MICAL2: variants seen among roughly 807,000 people sequenced by gnomAD.
MICAL2 encodes the protein [F-actin]-monooxygenase MICAL2.
A neutral mutation model predicts 127.3 loss-of-function variants in MICAL2; 77 were observed. The ratio of observed to expected loss-of-function variants is 0.60; its 90% CI spans 0.50 to 0.73. The LOEUF (loss-of-function observed/expected upper bound fraction) is 0.73, where lower values mean the gene tolerates loss of function less well. Among genes scored for constraint, MICAL2 ranks in the 30% least tolerant of loss-of-function variants. MICAL2 has a pLI of 0.00. For synonymous variants in MICAL2, 570 were observed against 551.1 expected, an observed-to-expected ratio of 1.03 and a Z score of -0.48; for missense variants, 1,351 against 1,434.4, an observed-to-expected ratio of 0.94 and a Z score of 0.94.
At chr11:12,295,556 C>A (rs1424413077), downstream of MICAL2, among the ~76,000 whole-genome samples, 1 of 150,064 alleles carries the variant, frequency 6.7e-6, no homozygotes, top group Non-Finnish European at 1.5e-5. Context: ...GACTGAAGCA[C>A]CCAGCTAATT....
intron 33 of MICAL2, among the ~76,000 whole-genome samples, chr11:12,354,024 C>T (rs77933380): frequency 0.062 from 9,371 of 152,304 alleles, 667 homozygotes; most frequent in African/African-American, 0.16. Context: ...CTCCTCACCC[C>T]CACCCCATCC....
chr11:12,227,188 G>A (rs1857590849), intron 15 of MICAL2, 57 bp downstream of exon 15: 1 of 1,244,506 alleles, frequency 8.0e-7, no homozygotes, highest in Non-Finnish European at 1.2e-6. Flanking sequence ...GGGGTATGAG[G>A]AACGGAGATT....
intron 1 of MICAL2, among the ~76,000 whole-genome samples, chr11:12,112,357 A>G (rs1849674831): frequency 6.6e-6 from 1 of 151,680 alleles, no homozygotes; most frequent in African/African-American, 2.4e-5. Flanking sequence ...TCCTCCCCCT[A>G]GTCAAGAGTA....
intron 20 of MICAL2, among the ~76,000 whole-genome samples, chr11:12,243,712 T>C (rs929693602): frequency 6.6e-6 from 1 of 152,190 alleles, no homozygotes; most frequent in African/African-American, 2.4e-5. Context: ...TTGGCATCGG[T>C]GTCTGAGGCG....
intron 3 of MICAL2, among the ~76,000 whole-genome samples, chr11:12,200,656 A>G (rs1860589653): frequency 6.6e-6 from 1 of 152,270 alleles, no homozygotes; most frequent in African/African-American, 2.4e-5. Flanking sequence ...AGATTACGGT[A>G]TGACTGGCAT....
intron 3 of MICAL2, among the ~76,000 whole-genome samples, chr11:12,181,525 T>C (rs531592281): frequency 6.6e-6 from 1 of 152,328 alleles, no homozygotes; most frequent in Non-Finnish European, 1.5e-5. Flanking sequence ...TCAAGTAAAA[T>C]GGTTTTTTTA....
chr11:12,203,310 C>T (rs1854266992), intron 3 of MICAL2, among the ~76,000 whole-genome samples: 3 of 152,164 alleles, frequency 2.0e-5, no homozygotes, highest in Admixed American at 6.5e-5. Context: ...GTGGTTTAAA[C>T]CTCTATGTTT....
intron 3 of MICAL2, among the ~76,000 whole-genome samples, chr11:12,175,556 G>A (rs916709696): frequency 6.6e-6 from 1 of 151,882 alleles, no homozygotes. Context: ...GAGAGAAAGA[G>A]AGAGACAATA....
At chr11:12,260,370 G>A (rs1862939409) in intron 26 of MICAL2, 1 of 1,285,204 alleles carries the variant, frequency 7.8e-7, no homozygotes, top group South Asian at 2.9e-5. Context: ...GGCCAGGGAT[G>A]ATATGAAGGA....
chr11:12,228,673 G>A (rs1330144520), intron 15 of MICAL2, among the ~76,000 whole-genome samples: 1 of 152,162 alleles, frequency 6.6e-6, no homozygotes, highest in Non-Finnish European at 1.5e-5. Flanking sequence ...AGTCAGAGAG[G>A]GAGTCGGGAA....
intron 2 of MICAL2, among the ~76,000 whole-genome samples, chr11:12,286,210 G>A (rs1167102276): frequency 6.6e-6 from 1 of 152,180 alleles, no homozygotes; most frequent in Non-Finnish European, 1.5e-5. Context: ...GCCAAGGGAG[G>A]GCCACAGCAA....
chr11:12,297,340 A>T (rs986097507), intron 29 of MICAL2, among the ~76,000 whole-genome samples: 4 of 152,092 alleles, frequency 2.6e-5, no homozygotes, highest in African/African-American at 9.7e-5. Context: ...TGACCAGTTG[A>T]TACTGTCCTT....
chr11:12,272,469 C>T (rs151194326), upstream of MICAL2, among the ~76,000 whole-genome samples: 592 of 152,308 alleles, frequency 3.9e-3, 11 homozygotes, highest in African/African-American at 0.014. Flanking sequence ...GTGGCAGGTT[C>T]ATCCCCAAAC....
chr11:12,340,364 A>G (rs1938843338), intron 32 of MICAL2, among the ~76,000 whole-genome samples: 1 of 152,240 alleles, frequency 6.6e-6, no homozygotes, highest in South Asian at 2.1e-4. Flanking sequence ...AATTATTAGA[A>G]CTTTAAAAAT....
chr11:12,221,707 A>T lies in MICAL2; in HGVS notation c.1270A>T (p.Met424Leu). ...CCTGGCAGCCTTTGACACGGCATGG[A>T]TGGTGAAGAGCTGGAACCAGGGCAC... ...GFLAAFDTAW[M>L]VKSWNQGTPP... Residue 424 changes from methionine to leucine, a missense_variant, in exon 10 of 28, where the codon ATG becomes TTG. Around this residue, in one of 2 missense-constraint regions of MICAL2, gnomAD observed 599 missense variants for 714.9 expected, o/e 0.84. Transcript: ENST00000683283. 1 of 1,613,852 alleles carries T rather than the reference A, an allele frequency of 6.2e-7. No homozygotes were observed. Among genetic ancestry groups the T allele is most frequent in the Non-Finnish European group, 8.5e-7 (1 of 1,179,902 alleles).
chr11:12,300,457 C>A (rs1864034643), intron 29 of MICAL2, among the ~76,000 whole-genome samples: 1 of 152,152 alleles, frequency 6.6e-6, no homozygotes, highest in African/African-American at 2.4e-5. Flanking sequence ...GGGCCTAACT[C>A]AATCAGATGA....
At chr11:12,260,451 A>G (rs1862953777) in intron 26 of MICAL2, 9 of 1,175,134 alleles carry the variant, frequency 7.7e-6, no homozygotes, top group Non-Finnish European at 9.4e-6. Context: ...ATTAGCCCAG[A>G]GAAAGCATTT....
At chr11:12,231,336 C>A (rs1244749193) in intron 15 of MICAL2, among the ~76,000 whole-genome samples, 1 of 152,234 alleles carries the variant, frequency 6.6e-6, no homozygotes, top group Non-Finnish European at 1.5e-5. Context: ...TGATCCTGCT[C>A]AACCAGGTCC....
chr11:12,303,460 A>G (rs897721480), intron 29 of MICAL2: 1 of 152,270 alleles, frequency 6.6e-6, no homozygotes, highest in African/African-American at 2.4e-5. Context: ...TCTATTAAAC[A>G]CAACTTTATT....
Sources: allele counts gnomAD v4.1 joint callset (sites outside exome capture counted in the v4.1 genomes callset), GRCh38; gene constraint gnomAD v4.1.1; regional missense constraint gnomAD v4.1.1; transcripts MANE v1.5; gene names NCBI Gene and HGNC (gene_info 2026-07-23, HGNC 2026-07-21).